Variants in ACOX3 observed in about 807,000 individuals in gnomAD.
The protein encoded by ACOX3 is acyl-CoA oxidase 3, pristanoyl, also known as peroxisomal acyl-coenzyme A oxidase 3.
Under a neutral mutation model 81.5 loss-of-function variants are expected in ACOX3, and 73 were observed. That is an observed-to-expected ratio of 0.90 (90% CI 0.74 to 1.09). The LOEUF is 1.09. ACOX3 is among the 50% of genes least tolerant of loss of function. The pLI is 0.00. For synonymous variants in ACOX3, 387 were observed against 375.1 expected (o/e 1.03, Z -0.37); for missense variants, 947 against 928.0 (o/e 1.02, Z -0.27).
chr4:8,426,510 G>A (rs1264510792), intron 1 of ACOX3, among the ~76,000 whole-genome samples: 5 of 99,090 alleles, frequency 5.0e-5, no homozygotes, highest in Non-Finnish European at 1.0e-4. Flanking sequence ...GGCCCCCCCC[G>A]TCATATTTTT....
At chr4:8,365,873 T>C (rs759950736), downstream of ACOX3, among the ~76,000 whole-genome samples, 5 of 152,196 alleles carry the variant, frequency 3.3e-5, no homozygotes, top group African/African-American at 9.7e-5. Context: ...AAAAGTTCTC[T>C]GGGCTACCTG....
At chr4:8,367,138 T>C in intron 17 of ACOX3, 58 bp from the exon 18 acceptor site, 1 of 1,594,718 alleles carries the variant, frequency 6.3e-7, no homozygotes, top group South Asian at 1.1e-5. Context: ...AAAAGATTCC[T>C]AGACGGCTGA....
Position 8,366,883 on chromosome 4 carries a change from C to T in ACOX3, c.*78G>A, listed in dbSNP as rs549418262. ...AAGCAGCAGCAATCTCCGGCGTGTT[C>T]TGGAATCAGAAGTTGAGGTCCACGT... On this transcript the variant is annotated 3_prime_UTR_variant, in exon 18 of 18. Transcript: ENST00000356406. 79 of 1,570,340 alleles carry T rather than the reference C, an allele frequency of 5.0e-5. No individual in the cohort carries two copies. The African/African-American group carries it at 1.0e-3, about 20-fold the overall frequency.
Position 8,400,874 on chromosome 4 carries a change from T to C in ACOX3, c.777-1222A>G, listed in dbSNP as rs528185805. ...TGATTCAAGCACATTATATTTATTG[T>C]GCACTTTATTTCTATTATTATTACA... On this transcript the variant is annotated intron_variant, in intron 7 of 17. Transcript: ENST00000356406. This position sits in a 1 kb window ranked among gnomAD's most constrained non-coding sequence, Gnocchi z 4.4. Among the ~76,000 whole-genome samples the C allele has an allele frequency of 6.6e-6, 1 of 152,268 alleles. No individual in the cohort carries two copies. Among genetic ancestry groups the C allele is most frequent in the South Asian group, 2.1e-4 (1 of 4,824 alleles).
chr4:8,413,587 A>C (rs1377228435), intron 5 of ACOX3, among the ~76,000 whole-genome samples: 5 of 106,944 alleles, frequency 4.7e-5, no homozygotes, highest in South Asian at 3.2e-4. Context: ...GCGCCCCTCC[A>C]CAGCACTGAC....
intron 1 of ACOX3, among the ~76,000 whole-genome samples, chr4:8,418,774 C>T (rs1272007556): frequency 2.6e-5 from 4 of 152,214 alleles, no homozygotes; most frequent in South Asian, 2.1e-4. Flanking sequence ...GCAGGAGAAT[C>T]GGTTGAACCG....
At chr4:8,410,851 C>A (rs995571132) in intron 5 of ACOX3, among the ~76,000 whole-genome samples, 1 of 152,222 alleles carries the variant, frequency 6.6e-6, no homozygotes, top group Admixed American at 6.5e-5. Flanking sequence ...CCAAATGCCC[C>A]GAGCACAAGG....
Position 8,405,849 on chromosome 4 carries a change from AG to A in ACOX3, c.776+105del. Reference sequence around the variant, plus strand: ...GGTCCCCACCGCATTTGAGTCTAAGAGGGCAGGGCATGGCATCCATGGGGCC... The same window carrying A: ...GGTCCCCACCGCATTTGAGTCTAAGAGGCAGGGCATGGCATCCATGGGGCC... On this transcript the variant is annotated intron_variant, in intron 7 of 17. Transcript: ENST00000356406. This position sits in a 1 kb window ranked among gnomAD's most constrained non-coding sequence, Gnocchi z 7.1. The A allele has an allele frequency of 8.7e-7, 1 of 1,149,246 alleles. No homozygotes were observed. The highest frequency in any genetic ancestry group is 1.3e-6 in the Non-Finnish European group (1 of 764,566). 71.2% of individuals were successfully genotyped at this position (1,149,246 alleles called of 1,614,324 possible).
In ACOX3 at chr4:8,405,229, G is replaced by A. The variant is rs887004771; in HGVS notation, c.776+726C>T. ...GCGGCCTGGCCTCCCTACCCCGCCT[G>A]CATCCCAGCACAGGCCTGGGCCTGA... is the stretch of plus-strand genomic sequence containing the variant. On this transcript the variant is annotated intron_variant, in intron 7 of 17. Transcript: ENST00000356406. This position sits in a 1 kb window ranked among gnomAD's most constrained non-coding sequence, Gnocchi z 7.1. Among the ~76,000 whole-genome samples, 1 of 152,192 alleles carries A rather than the reference G, an allele frequency of 6.6e-6. No individual in the cohort carries two copies. Among genetic ancestry groups the A allele is most frequent in the African/African-American group, 2.4e-5 (1 of 41,454 alleles).
At position 8,388,422 on chromosome 4, in the gene ACOX3, G is replaced by A. The variant is rs770122679; in HGVS notation, c.1537+751C>T. On this transcript the variant is annotated intron_variant, in intron 13 of 17. Transcript: ENST00000356406. ...ACGTGCAGAATTAACCCAGGAACGC[G>A]AGAGCAGCTGCTCTCCGGAGAGGGA... Among the ~76,000 whole-genome samples, 25 of 152,376 alleles carry A rather than the reference G, an allele frequency of 1.6e-4. 1 individual carries two copies. The highest frequency in any genetic ancestry group is 5.5e-4 in the African/African-American group (23 of 41,596).
At chr4:8,401,691 C>T (rs1382128186) in intron 7 of ACOX3, among the ~76,000 whole-genome samples, 3 of 152,326 alleles carry the variant, frequency 2.0e-5, no homozygotes, top group South Asian at 4.1e-4. Context: ...CTAATTGCAT[C>T]GCCACCTTGC....
chr4:8,407,638 C>A lies in ACOX3; in HGVS notation c.688-1595G>T, dbSNP rs989432525. 2.6e-5 allele frequency among the ~76,000 whole-genome samples: 4 copies of A among 152,204 alleles called. No homozygotes were observed. The highest frequency in any genetic ancestry group is 4.4e-5 in the Non-Finnish European group (3 of 68,044). ...GAGGACGTCGGGAATTTCATATTCA[C>A]GTTTTAGACACAGGACTCCCTGCTA... is the stretch of plus-strand genomic sequence containing the variant. On this transcript the variant is annotated intron_variant, in intron 6 of 17. Transcript: ENST00000356406. The surrounding 1 kb of genome is among the most constrained non-coding windows in gnomAD (Gnocchi z 4.6).
At chr4:8,372,572 C>CT (rs1716353163) in intron 16 of ACOX3, among the ~76,000 whole-genome samples, 1 of 152,136 alleles carries the variant, frequency 6.6e-6, no homozygotes, top group East Asian at 1.9e-4. Context: ...GTGGCCAGTT[C>CT]GATGTTAAGA....
chr4:8,356,105 C>A, the ACOX3 span: 1 of 225,564 alleles, frequency 4.4e-6, no homozygotes, highest in East Asian at 9.4e-5. Context: ...AGGAGACTTA[C>A]CATGTGCTGT....
the ACOX3 span, among the ~76,000 whole-genome samples, chr4:8,359,647 C>T: frequency 1.3e-5 from 2 of 152,244 alleles, no homozygotes; most frequent in Non-Finnish European, 2.9e-5. This position sits in a 1 kb window ranked among gnomAD's most constrained non-coding sequence, Gnocchi z 6.0. Flanking sequence ...AACGGGGAAA[C>T]TTGGGAGCTG....
Position 8,423,705 on chromosome 4 carries a change from G to A in ACOX3, c.-14-7170C>T, listed in dbSNP as rs1428796225. 6.6e-6 allele frequency among the ~76,000 whole-genome samples: 1 copy of A among 152,188 alleles called. No individual in the cohort carries two copies. Among genetic ancestry groups the A allele is most frequent in the Non-Finnish European group, 1.5e-5 (1 of 68,038 alleles). On this transcript the variant is annotated intron_variant, in intron 1 of 17. Coordinates refer to ENST00000356406, the MANE Select transcript of ACOX3 (RefSeq NM_003501.3). The surrounding 1 kb of genome is among the most constrained non-coding windows in gnomAD (Gnocchi z 4.2). Reference sequence around the variant, plus strand: ...TTTCCCAAATACCAGAGGAAGCAGAGTGGTTTACAGTCCTGGACCTTAAGG... The same window carrying A: ...TTTCCCAAATACCAGAGGAAGCAGAATGGTTTACAGTCCTGGACCTTAAGG...
rs956161102 is a variant in ACOX3 at position 8,368,553 on chromosome 4, C to A, written c.1984-1473G>T. 6.6e-5 allele frequency among the ~76,000 whole-genome samples: 10 copies of A among 152,180 alleles called. No homozygotes were observed. The highest frequency in any genetic ancestry group is 1.3e-4 in the Non-Finnish European group (9 of 68,030). Reference sequence around the variant, plus strand: ...CTACTCTGGGCTCCACAGACACAGACCCAGGCTGCTGCTCCACAGGGCCTA... The same window carrying A: ...CTACTCTGGGCTCCACAGACACAGAACCAGGCTGCTGCTCCACAGGGCCTA... On this transcript the variant is annotated intron_variant, in intron 17 of 17. Coordinates refer to ENST00000356406, the MANE Select transcript of ACOX3 (RefSeq NM_003501.3). This position sits in a 1 kb window ranked among gnomAD's most constrained non-coding sequence, Gnocchi z 5.9.
chr4:8,429,155 A>C (rs1723793737), intron 1 of ACOX3, among the ~76,000 whole-genome samples: 1 of 152,152 alleles, frequency 6.6e-6, no homozygotes, highest in Admixed American at 6.5e-5. Flanking sequence ...AGACACACAC[A>C]CTTCTTATGA....
At chr4:8,426,074 G>C (rs540237185) in intron 1 of ACOX3, among the ~76,000 whole-genome samples, 23 of 152,204 alleles carry the variant, frequency 1.5e-4, no homozygotes, top group African/African-American at 5.3e-4. Context: ...TAGCCCATAC[G>C]AAATGCTGTA....
Sources: gnomAD v4.1 joint callset for allele counts (sites outside exome capture counted in the v4.1 genomes callset) on GRCh38, gnomAD v4.1.1 for gene constraint, Gnocchi (gnomAD v3.1) non-coding constraint, MANE v1.5 for transcripts, NCBI Gene and HGNC (gene_info 2026-07-23, HGNC 2026-07-21) for gene names.